The following TENM2 variants were observed in gnomAD, a reference collection of about 807,000 sequenced individuals.
The protein encoded by TENM2 is teneurin-2.
Under a neutral mutation model 245.2 loss-of-function variants are expected in TENM2, and 52 were observed. The ratio of observed to expected loss-of-function variants is 0.21; its 90% CI spans 0.17 to 0.27. The LOEUF (loss-of-function observed/expected upper bound fraction) is 0.27. TENM2 is among the 10% of genes least tolerant of loss of function. The pLI is 1.00. For synonymous variants in TENM2, 1,363 were observed against 1,438.9 expected, an observed-to-expected ratio of 0.95 and a Z score of 1.19; for missense variants, 3,046 against 3,666.8, an observed-to-expected ratio of 0.83 and a Z score of 4.37.
At chr5:168,017,808 G>A (rs1785790323) in intron 5 of TENM2, among the ~76,000 whole-genome samples, 1 of 152,130 alleles carries the variant, frequency 6.6e-6, no homozygotes, top group African/African-American at 2.4e-5. Flanking sequence ...TATGTCAGGA[G>A]TACAAAATAG....
chr5:168,198,100 C>T (rs1222401566), intron 15 of TENM2, among the ~76,000 whole-genome samples: 1 of 151,802 alleles, frequency 6.6e-6, no homozygotes, highest in Non-Finnish European at 1.5e-5. Flanking sequence ...CATGTGGCTT[C>T]TCACCAACAA....
intron 2 of TENM2, among the ~76,000 whole-genome samples, chr5:167,545,719 G>A (rs1483799607): frequency 6.6e-6 from 1 of 152,092 alleles, no homozygotes; most frequent in Non-Finnish European, 1.5e-5. Flanking sequence ...CTTTTACAAA[G>A]CCCTATTTAA....
At chr5:167,402,838 G>C (rs1762434875) in intron 2 of TENM2, among the ~76,000 whole-genome samples, 1 of 152,120 alleles carries the variant, frequency 6.6e-6, no homozygotes, top group African/African-American at 2.4e-5. Context: ...AGAACAATGA[G>C]ACATGCAGCC....
intron 3 of TENM2, among the ~76,000 whole-genome samples, chr5:167,939,325 AAAATCTAATGCTGC>A (rs1445672659): frequency 6.6e-6 from 1 of 152,184 alleles, no homozygotes; most frequent in Non-Finnish European, 1.5e-5. Flanking sequence ...CACTCCTCTG[AAAATCTAATGCTGC>A]CACTGATGTG....
chr5:168,215,886 C>G (rs1015847095), intron 21 of TENM2, among the ~76,000 whole-genome samples: 1 of 152,186 alleles, frequency 6.6e-6, no homozygotes, highest in Non-Finnish European at 1.5e-5. Context: ...GCCCAGACTT[C>G]CGTGGTAGAC....
At chr5:167,889,540 C>T (rs1583289288) in intron 3 of TENM2, among the ~76,000 whole-genome samples, 1 of 152,268 alleles carries the variant, frequency 6.6e-6, no homozygotes, top group South Asian at 2.1e-4. Context: ...CTGACCATTA[C>T]CCACCCCCCT....
At chr5:168,090,888 T>C in intron 8 of TENM2, 119 bp downstream of exon 10, 2 of 888,928 alleles carry the variant, frequency 2.2e-6, no homozygotes, top group East Asian at 4.9e-5. Flanking sequence ...CCAACCAGGA[T>C]CCTTTGTTTA....
intron 1 of TENM2, among the ~76,000 whole-genome samples, chr5:167,337,821 G>C (rs376689924): frequency 2.8e-4 from 42 of 152,088 alleles, no homozygotes; most frequent in African/African-American, 9.9e-4. Context: ...GATTATAAAA[G>C]GTTCATACCA....
At chr5:167,234,857 T>G in the TENM2 span, among the ~76,000 whole-genome samples, 1 of 152,184 alleles carries the variant, frequency 6.6e-6, no homozygotes, top group Non-Finnish European at 1.5e-5. Context: ...TATATCAATT[T>G]GAGCATACTT....
At chr5:167,895,073 C>A (rs1775109477) in intron 3 of TENM2, among the ~76,000 whole-genome samples, 4 of 151,804 alleles carry the variant, frequency 2.6e-5, no homozygotes, top group African/African-American at 7.3e-5. Flanking sequence ...TTAAACAAAG[C>A]TTAAGAAAAA....
intron 7 of TENM2, among the ~76,000 whole-genome samples, chr5:168,084,542 A>C (rs916050924): frequency 6.6e-6 from 1 of 152,214 alleles, no homozygotes; most frequent in Non-Finnish European, 1.5e-5. Context: ...CTCTTAGGTC[A>C]TGATATTTAT....
the TENM2 span, among the ~76,000 whole-genome samples, chr5:167,268,442 G>T: frequency 6.6e-6 from 1 of 152,070 alleles, no homozygotes; most frequent in Admixed American, 6.6e-5. Flanking sequence ...TTGTTACATT[G>T]TACTAGTTAC....
intron 1 of TENM2, among the ~76,000 whole-genome samples, chr5:167,293,031 A>G (rs759917271): frequency 2.6e-5 from 4 of 152,220 alleles, no homozygotes; most frequent in Admixed American, 6.5e-5. Flanking sequence ...AGAGAGAGAC[A>G]GTCATGAAGA....
intron 2 of TENM2, among the ~76,000 whole-genome samples, chr5:167,437,397 G>A (rs1018612907): frequency 3.9e-5 from 6 of 152,156 alleles, no homozygotes; most frequent in African/African-American, 1.4e-4. Flanking sequence ...TACCCCCATT[G>A]TATCTAAGAA....
intron 5 of TENM2, among the ~76,000 whole-genome samples, chr5:168,011,247 C>T (rs1785197914): frequency 6.6e-6 from 1 of 152,226 alleles, no homozygotes; most frequent in Non-Finnish European, 1.5e-5. Flanking sequence ...CAGATGGTCT[C>T]CAGTGAGACT....
intron 6 of TENM2, among the ~76,000 whole-genome samples, chr5:168,060,227 GAA>G (rs79503783): frequency 1.7e-4 from 20 of 119,618 alleles, no homozygotes; most frequent in African/African-American, 4.7e-4. Context: ...TTGTCTCTAC[GAA>G]AAAAAAAAAA....
chr5:168,215,843 C>T (rs190401112), intron 21 of TENM2, among the ~76,000 whole-genome samples: 72 of 152,282 alleles, frequency 4.7e-4, no homozygotes, highest in Middle Eastern at 3.4e-3. Context: ...GGGCTGGAGA[C>T]AGAACAAAGC....
intron 2 of TENM2, among the ~76,000 whole-genome samples, chr5:167,801,564 G>A (rs937352478): frequency 1.3e-5 from 2 of 152,080 alleles, no homozygotes; most frequent in African/African-American, 2.4e-5. Flanking sequence ...GTCCCATGTT[G>A]GAGAAGACGC....
At chr5:167,168,981 G>A in the TENM2 span, among the ~76,000 whole-genome samples, 7 of 152,176 alleles carry the variant, frequency 4.6e-5, no homozygotes, top group South Asian at 1.5e-3. Flanking sequence ...GGATGGTCTC[G>A]ATCTCCTGAC....
Sources: gnomAD v4.1 joint callset for allele counts (sites outside exome capture counted in the v4.1 genomes callset) on GRCh38, gnomAD v4.1.1 for gene constraint, MANE v1.5 for transcripts, NCBI Gene and HGNC (gene_info 2026-07-23, HGNC 2026-07-21) for gene names.